GMDS: variants seen among roughly 807,000 people sequenced by gnomAD.
The protein encoded by GMDS is GDP-mannose 4,6 dehydratase.
In GMDS, 20 loss-of-function variants were observed where a neutral mutation model predicts 49.9. That is an observed-to-expected ratio of 0.40 (90% CI 0.28 to 0.58). The LOEUF (loss-of-function observed/expected upper bound fraction) is 0.58. GMDS is among the 20% of genes least tolerant of loss of function. The pLI, the probability that GMDS is intolerant of heterozygous loss-of-function variation, is 0.42. For synonymous variants in GMDS, 177 were observed against 178.6 expected (o/e 0.99, Z 0.07); for missense variants, 362 against 481.4 (o/e 0.75, Z 2.32).
At chr6:1,926,340 T>C (rs1214807880) in intron 7 of GMDS, among the ~76,000 whole-genome samples, 2 of 152,156 alleles carry the variant, frequency 1.3e-5, no homozygotes, top group Non-Finnish European at 2.9e-5. Context: ...CATTCACCCC[T>C]AGATACTGCT....
At chr6:2,174,663 G>A (rs890549918) in intron 1 of GMDS, among the ~76,000 whole-genome samples, 2 of 152,106 alleles carry the variant, frequency 1.3e-5, no homozygotes, top group Non-Finnish European at 2.9e-5. Flanking sequence ...CACCTCCTGG[G>A]TTCAAGTGAT....
chr6:2,075,795 T>C (rs1581616142), intron 4 of GMDS, among the ~76,000 whole-genome samples: 2 of 152,214 alleles, frequency 1.3e-5, no homozygotes, highest in African/African-American at 4.8e-5. Context: ...CTGGGTCAAA[T>C]GGTATTTCTA....
intron 7 of GMDS, among the ~76,000 whole-genome samples, chr6:1,750,400 A>G (rs1767671152): frequency 6.6e-6 from 1 of 152,084 alleles, no homozygotes; most frequent in South Asian, 2.1e-4. Context: ...TCTCATTGGG[A>G]CTGGTTAGAC....
intron 1 of GMDS, among the ~76,000 whole-genome samples, chr6:2,131,449 A>G (rs1775733531): frequency 6.6e-6 from 1 of 152,178 alleles, no homozygotes. Flanking sequence ...AGGGACAACC[A>G]GTCCCCAACT....
intron 2 of GMDS, among the ~76,000 whole-genome samples, chr6:2,118,761 G>A (rs1186946429): frequency 6.6e-6 from 1 of 152,102 alleles, no homozygotes; most frequent in African/African-American, 2.4e-5. Context: ...TTTAGGAAAG[G>A]AACTTCGCAA....
At chr6:2,068,086 C>T (rs924499850) in intron 4 of GMDS, among the ~76,000 whole-genome samples, 1 of 148,310 alleles carries the variant, frequency 6.7e-6, no homozygotes, top group Non-Finnish European at 1.5e-5. Flanking sequence ...TGGGCTTCAT[C>T]CCTGGGATGC....
chr6:1,844,804 A>G (rs958729350), intron 7 of GMDS, among the ~76,000 whole-genome samples: 2 of 152,260 alleles, frequency 1.3e-5, no homozygotes, highest in Non-Finnish European at 2.9e-5. Context: ...GAACAAATAT[A>G]TACTTTTATA....
chr6:2,183,097 T>C (rs1778629227), intron 1 of GMDS, among the ~76,000 whole-genome samples: 1 of 152,194 alleles, frequency 6.6e-6, no homozygotes, highest in Non-Finnish European at 1.5e-5. Flanking sequence ...GGTTAATATG[T>C]TGTTTTCATG....
intron 1 of GMDS, among the ~76,000 whole-genome samples, chr6:2,149,825 T>TAC (rs370935922): frequency 6.6e-6 from 1 of 152,174 alleles, no homozygotes; most frequent in African/African-American, 2.4e-5. Flanking sequence ...GGAGACTGAG[T>TAC]ACACACAGCA....
chr6:2,223,167 A>G (rs1032743176), intron 1 of GMDS, among the ~76,000 whole-genome samples: 1 of 151,642 alleles, frequency 6.6e-6, no homozygotes, highest in Non-Finnish European at 1.5e-5. Flanking sequence ...ATATACACAC[A>G]TATATATATA....
intron 1 of GMDS, among the ~76,000 whole-genome samples, chr6:2,193,195 C>A (rs1270707894): frequency 2.0e-5 from 3 of 152,224 alleles, no homozygotes. Context: ...TTCCTCAAGT[C>A]CTGCTGAATA....
At chr6:1,626,058 A>G (rs1445934090) in intron 9 of GMDS, 1 of 152,212 alleles carries the variant, frequency 6.6e-6, no homozygotes, top group Non-Finnish European at 1.5e-5. Flanking sequence ...TTTGTTCTAG[A>G]TTCATGATGG....
intron 4 of GMDS, among the ~76,000 whole-genome samples, chr6:2,023,515 A>G (rs1305060943): frequency 6.6e-6 from 1 of 152,230 alleles, no homozygotes; most frequent in East Asian, 1.9e-4. Flanking sequence ...ACAGCATTCC[A>G]CGGAGGGCAG....
At chr6:2,126,034 A>T (rs1775413529) in intron 1 of GMDS, among the ~76,000 whole-genome samples, 1 of 152,182 alleles carries the variant, frequency 6.6e-6, no homozygotes, top group African/African-American at 2.4e-5. Flanking sequence ...AATTATTTTT[A>T]AAATTTCTGG....
At chr6:1,835,176 G>T (rs1756868819) in intron 7 of GMDS, among the ~76,000 whole-genome samples, 1 of 152,158 alleles carries the variant, frequency 6.6e-6, no homozygotes, top group Non-Finnish European at 1.5e-5. Context: ...GGTCTGTCAG[G>T]GAAGTTTTCC....
intron 1 of GMDS, among the ~76,000 whole-genome samples, chr6:2,172,604 AT>A (rs1778071642): frequency 6.6e-6 from 1 of 152,040 alleles, no homozygotes; most frequent in Non-Finnish European, 1.5e-5. Flanking sequence ...GAGGCAGAGA[AT>A]TGCTTGAACC....
intron 8 of GMDS, among the ~76,000 whole-genome samples, chr6:1,737,105 G>A (rs1194202672): frequency 2.0e-5 from 3 of 152,318 alleles, no homozygotes; most frequent in Non-Finnish European, 4.4e-5. Context: ...CCTCTGCCAG[G>A]AGGATTTTAG....
chr6:1,974,287 A>G (rs1190026872), intron 4 of GMDS, among the ~76,000 whole-genome samples: 1 of 152,216 alleles, frequency 6.6e-6, no homozygotes, highest in Non-Finnish European at 1.5e-5. Flanking sequence ...GCTCAAAACC[A>G]ACAAGAACTG....
At chr6:1,933,145 G>A (rs941858935) in intron 6 of GMDS, among the ~76,000 whole-genome samples, 1 of 152,084 alleles carries the variant, frequency 6.6e-6, no homozygotes, top group Non-Finnish European at 1.5e-5. Context: ...TCTGGTCTTT[G>A]TTTCTGGTTT....
Sources: allele counts gnomAD v4.1 joint callset (sites outside exome capture counted in the v4.1 genomes callset), GRCh38; gene constraint gnomAD v4.1.1; transcripts MANE v1.5; gene names NCBI Gene and HGNC (gene_info 2026-07-23, HGNC 2026-07-21).